Variants in FAM120B observed in about 807,000 individuals in gnomAD.
FAM120B encodes constitutive coactivator of peroxisome proliferator-activated receptor gamma.
Under a neutral mutation model 96.3 loss-of-function variants are expected in FAM120B, and 83 were observed. That is an observed-to-expected ratio of 0.86 (90% confidence interval 0.72 to 1.03). FAM120B has a LOEUF of 1.03. Among genes scored for constraint, FAM120B ranks in the 50% least tolerant of loss-of-function variants. The pLI, the probability that FAM120B is intolerant of heterozygous loss-of-function variation, is 0.00. For missense variants in FAM120B, 1,027 were observed against 1,121.2 expected (o/e 0.92, Z 1.20); for synonymous variants, 407 against 402.7 (o/e 1.01, Z -0.13).
chr6:170,348,381 G>A (rs113144147), intron 5 of FAM120B, 58 bp downstream of exon 5: 58 of 1,505,794 alleles, frequency 3.9e-5, no homozygotes, highest in African/African-American at 3.7e-4. Context: ...ATGAGAGGGA[G>A]CATGTGGGAT....
intron 4 of FAM120B, among the ~76,000 whole-genome samples, chr6:170,344,354 G>A (rs570792931): frequency 8.6e-6 from 1 of 116,264 alleles, no homozygotes; most frequent in East Asian, 2.7e-4. Flanking sequence ...GGATGAAATC[G>A]TTCAGTCCAT....
At chr6:170,383,442 A>G (rs1790026999) in intron 6 of FAM120B, among the ~76,000 whole-genome samples, 1 of 152,226 alleles carries the variant, frequency 6.6e-6, no homozygotes, top group African/African-American at 2.4e-5. Context: ...AGAAAATATA[A>G]AGAATCTCAG....
chr6:170,361,761 C>T (rs73790671), intron 6 of FAM120B, among the ~76,000 whole-genome samples: 123 of 152,188 alleles, frequency 8.1e-4, no homozygotes, highest in African/African-American at 2.7e-3. Flanking sequence ...CATACACATA[C>T]GTATAGATGT....
rs1229350820 is a variant in FAM120B at position 170,306,800 on chromosome 6, G to A, written c.-64G>A. 1 of 152,964 alleles carries A rather than the reference G, an allele frequency of 6.5e-6. No homozygotes were observed. Among genetic ancestry groups the A allele is most frequent in the Non-Finnish European group, 1.5e-5 (1 of 68,686 alleles). 9.5% of individuals were successfully genotyped at this position (152,964 alleles called of 1,614,324 possible). ...CGGTGGCTGAGGCGGCTGGGCCTAGGGTGCAGCGGGCGCGTCTGCGGCTGG... is the reference window on the plus strand; with the variant it reads ...CGGTGGCTGAGGCGGCTGGGCCTAGAGTGCAGCGGGCGCGTCTGCGGCTGG... On this transcript the variant is annotated 5_prime_UTR_variant, in exon 1 of 11. Transcript: ENST00000476287.
chr6:170,344,807 C>T (rs1239641460), intron 4 of FAM120B, among the ~76,000 whole-genome samples: 1 of 152,210 alleles, frequency 6.6e-6, no homozygotes, highest in East Asian at 1.9e-4. Context: ...AGACTTGATG[C>T]TGGTCTTCCT....
intron 4 of FAM120B, among the ~76,000 whole-genome samples, chr6:170,335,521 G>A (rs1408760086): frequency 6.6e-6 from 1 of 152,142 alleles, no homozygotes; most frequent in African/African-American, 2.4e-5. Flanking sequence ...AAACATACGT[G>A]TGCATGTGTC....
chr6:170,313,253 C>G (rs1435418531), intron 1 of FAM120B, among the ~76,000 whole-genome samples: 4 of 152,160 alleles, frequency 2.6e-5, no homozygotes, highest in South Asian at 4.1e-4. Context: ...TTTTCGGTCC[C>G]TGTTCTCACC....
chr6:170,330,797 T>C, intron 4 of FAM120B: 1 of 513,656 alleles, frequency 1.9e-6, no homozygotes, highest in Non-Finnish European at 3.5e-6. Context: ...TCCACCCTGG[T>C]CCAGGTCCAC....
chr6:170,338,093 T>C (rs995342839), intron 4 of FAM120B, among the ~76,000 whole-genome samples: 3 of 152,212 alleles, frequency 2.0e-5, no homozygotes, highest in African/African-American at 7.2e-5. Context: ...TGTTTGCTCT[T>C]GCTTCTCTAG....
chr6:170,356,588 T>TC (rs762751648), intron 5 of FAM120B, among the ~76,000 whole-genome samples: 82 of 152,194 alleles, frequency 5.4e-4, no homozygotes, highest in Admixed American at 1.6e-3. Flanking sequence ...GATGCCAAAA[T>TC]CCATGCATCC....
chr6:170,376,668 T>C (rs904381425), intron 6 of FAM120B, among the ~76,000 whole-genome samples: 2 of 152,042 alleles, frequency 1.3e-5, no homozygotes, highest in Admixed American at 1.3e-4. Flanking sequence ...CGGAGGCTGA[T>C]TGGAGTGGTT....
At chr6:170,322,015 C>T (rs1225323806) in intron 2 of FAM120B, among the ~76,000 whole-genome samples, 2 of 152,196 alleles carry the variant, frequency 1.3e-5, no homozygotes, top group Non-Finnish European at 2.9e-5. Context: ...TCTAGATGAA[C>T]TTATTCTCAC....
chr6:170,291,139 C>A (rs1385992832), upstream of FAM120B: 4 of 503,692 alleles, frequency 7.9e-6, no homozygotes, highest in African/African-American at 8.0e-5. Context: ...CCCAGTCCTC[C>A]CCTGCCCCCG....
Position 170,320,720 on chromosome 6 carries a change from T to C in FAM120B, c.1734+1596T>C, listed in dbSNP as rs140669745. ...CTATTACTGGCAAGAGACAGACATC[T>C]GGGAGTTATCCTATTTTATGTGTAA... On this transcript the variant is annotated intron_variant, in intron 2 of 10. Coordinates refer to ENST00000476287, the MANE Select transcript of FAM120B (RefSeq NM_032448.3). Among the ~76,000 whole-genome samples, 754 of 152,302 alleles carry C rather than the reference T, an allele frequency of 5.0e-3. 5 individuals are homozygous for C. The highest frequency in any genetic ancestry group is 0.017 in the African/African-American group (711 of 41,562).
chr6:170,377,978 A>G (rs1789666028), intron 6 of FAM120B, among the ~76,000 whole-genome samples: 1 of 146,844 alleles, frequency 6.8e-6, no homozygotes, highest in East Asian at 2.4e-4. Flanking sequence ...AGTTAACTGA[A>G]GAAGTTGAAA....
chr6:170,357,415 A>T (rs1405571370), intron 5 of FAM120B, among the ~76,000 whole-genome samples: 1 of 151,312 alleles, frequency 6.6e-6, no homozygotes, highest in Non-Finnish European at 1.5e-5. Flanking sequence ...TCCATCATCT[A>T]CTCCACACCA....
chr6:170,292,556 G>C (rs1446553927), upstream of FAM120B, among the ~76,000 whole-genome samples: 1 of 152,206 alleles, frequency 6.6e-6, no homozygotes, highest in African/African-American at 2.4e-5. The surrounding 1 kb of genome is among the most constrained non-coding windows in gnomAD (Gnocchi z 6.6). Context: ...TTATTGGTGA[G>C]AACAGGGCAC....
chr6:170,366,710 G>A (rs1336615797), intron 6 of FAM120B, among the ~76,000 whole-genome samples: 1 of 152,186 alleles, frequency 6.6e-6, no homozygotes. Context: ...CGTAGCCAGG[G>A]ACAGCAGGCT....
In FAM120B at chr6:170,323,144, G is replaced by A. The variant is rs1454252382; in HGVS notation, c.1800G>A (p.Glu600=). Residue 600 remains glutamate (E), a synonymous_variant, in exon 3 of 11, where the codon GAG becomes GAA. Transcript: ENST00000476287. ...TGTACAACATCATGAGCAGTGGAGA[G>A]ATTGAATGCAGCAACACCCTAGAAG... The part of the protein sequence containing the change: ...YLVYNIMSSG[E]IECSNTLEDE... The A allele has an allele frequency of 6.2e-7, 1 of 1,614,150 alleles. No homozygotes were observed. The highest frequency in any genetic ancestry group is 8.5e-7 in the Non-Finnish European group (1 of 1,180,008).
Sources: allele counts gnomAD v4.1 joint callset (sites outside exome capture counted in the v4.1 genomes callset), GRCh38; gene constraint gnomAD v4.1.1; non-coding constraint Gnocchi (gnomAD v3.1); transcripts MANE v1.5; gene names NCBI Gene and HGNC (gene_info 2026-07-23, HGNC 2026-07-21).